The following MRTFB variants were observed in gnomAD, a reference collection of about 807,000 sequenced individuals.
The protein encoded by MRTFB is myocardin related transcription factor B, also known as myocardin-related transcription factor B.
In MRTFB, 29 loss-of-function variants were observed where a neutral mutation model predicts 104.2. The observed-to-expected ratio is 0.28, with a 90% CI of 0.21 to 0.38. The LOEUF is 0.38. MRTFB is among the 10% of genes least tolerant of loss of function. The pLI is 1.00. For synonymous variants in MRTFB, 535 were observed against 519.5 expected, an observed-to-expected ratio of 1.03 and a Z score of -0.41; for missense variants, 1,270 against 1,341.6, an observed-to-expected ratio of 0.95 and a Z score of 0.83.
intron 3 of MRTFB, among the ~76,000 whole-genome samples, chr16:14,203,547 C>T (rs1385090460): frequency 1.3e-5 from 2 of 152,000 alleles, no homozygotes; most frequent in Admixed American, 6.6e-5. Context: ...ATTAAGACAA[C>T]ATTTCACACT....
At chr16:14,123,518 C>T (rs1026377075) in intron 2 of MRTFB, among the ~76,000 whole-genome samples, 8 of 152,200 alleles carry the variant, frequency 5.3e-5, no homozygotes, top group Admixed American at 3.3e-4. Flanking sequence ...GTTTTCCCAA[C>T]ACCATTTATT....
At chr16:14,004,715 G>A in the MRTFB span, among the ~76,000 whole-genome samples, 1 of 152,222 alleles carries the variant, frequency 6.6e-6, no homozygotes, top group Non-Finnish European at 1.5e-5. Context: ...GCCGAGTGCT[G>A]AGCTCTGTGC....
the MRTFB span, among the ~76,000 whole-genome samples, chr16:14,040,466 C>CTT: frequency 3.4e-3 from 487 of 144,394 alleles, 5 homozygotes; most frequent in Middle Eastern, 0.028. Context: ...ATTACTAAAT[C>CTT]TTTTTTTTTT....
upstream of MRTFB, among the ~76,000 whole-genome samples, chr16:14,068,525 T>G (rs1358425219): frequency 1.3e-5 from 2 of 152,126 alleles, no homozygotes; most frequent in African/African-American, 4.8e-5. Context: ...TGATCTGGGG[T>G]GGAACCAACC....
the MRTFB span, among the ~76,000 whole-genome samples, chr16:14,003,257 G>C: frequency 6.6e-6 from 1 of 152,240 alleles, no homozygotes; most frequent in East Asian, 1.9e-4. Context: ...CGTGTGACGA[G>C]TTTTTTGTTT....
At chr16:14,168,946 T>C (rs1287337518) in intron 3 of MRTFB, among the ~76,000 whole-genome samples, 1 of 152,222 alleles carries the variant, frequency 6.6e-6, no homozygotes, top group Non-Finnish European at 1.5e-5. Flanking sequence ...TTTCATGATA[T>C]CTAATGATAT....
chr16:14,060,073 C>G, the MRTFB span, among the ~76,000 whole-genome samples: 2 of 133,700 alleles, frequency 1.5e-5, no homozygotes, highest in African/African-American at 5.9e-5. Flanking sequence ...GTGGCGCAAT[C>G]TCAGCTCACT....
At chr16:14,111,523 G>T (rs1056389586) in intron 2 of MRTFB, among the ~76,000 whole-genome samples, 1 of 152,214 alleles carries the variant, frequency 6.6e-6, no homozygotes, top group Non-Finnish European at 1.5e-5. Flanking sequence ...GTTGCTTAAC[G>T]TGAATTTGGT....
chr16:14,222,685 A>C (rs1022078588), intron 8 of MRTFB, among the ~76,000 whole-genome samples: 14 of 151,854 alleles, frequency 9.2e-5, no homozygotes, highest in South Asian at 4.2e-4. Flanking sequence ...CCAGGAGTTC[A>C]AGACCAGCCT....
chr16:14,179,929 A>G (rs1384718702), intron 3 of MRTFB, among the ~76,000 whole-genome samples: 1 of 152,214 alleles, frequency 6.6e-6, no homozygotes, highest in Non-Finnish European at 1.5e-5. Flanking sequence ...CAAGTGCATG[A>G]TTAGTGGACT....
intron 3 of MRTFB, chr16:14,149,655 G>A (rs1049187061): frequency 2.0e-5 from 3 of 152,182 alleles, no homozygotes; most frequent in Admixed American, 2.0e-4. Context: ...AACATTTATT[G>A]AATGATCATT....
intron 4 of MRTFB, among the ~76,000 whole-genome samples, chr16:14,210,869 G>T (rs2041162700): frequency 6.6e-6 from 1 of 152,066 alleles, no homozygotes; most frequent in Non-Finnish European, 1.5e-5. Context: ...TTTGAGAGTT[G>T]ATTAATTTTA....
Position 14,266,191 on chromosome 16 carries a change from G to T in MRTFB, c.*4747G>T, listed in dbSNP as rs1251511290. 1 of 152,160 alleles carries T rather than the reference G, an allele frequency of 6.6e-6. No homozygotes were observed. The allele number at this position is 152,160 out of a possible 1,614,324, so 9.4% of individuals were successfully genotyped here. A position where few individuals can be genotyped will look rare whatever the true frequency, so the allele number is the denominator to read the frequency against. Reference sequence around the variant, plus strand: ...CCCAAAAAGGTATTATCCATTTAAGGTTATAATTTTCACTAAGATGTAGAT... The same window carrying T: ...CCCAAAAAGGTATTATCCATTTAAGTTTATAATTTTCACTAAGATGTAGAT... On this transcript the variant is annotated 3_prime_UTR_variant, in exon 17 of 17. Coordinates refer to ENST00000571589, the MANE Select transcript of MRTFB (RefSeq NM_001308142.2).
intron 8 of MRTFB, among the ~76,000 whole-genome samples, chr16:14,220,603 A>AAAAT (rs2041649476): frequency 6.6e-6 from 1 of 152,218 alleles, no homozygotes; most frequent in African/African-American, 2.4e-5. Context: ...TCCTTGAAGG[A>AAAAT]AAATAGTAAT....
At chr16:14,033,248 A>G in the MRTFB span, among the ~76,000 whole-genome samples, 4 of 152,012 alleles carry the variant, frequency 2.6e-5, no homozygotes, top group African/African-American at 9.7e-5. Flanking sequence ...AAAATTTAAA[A>G]TTAAAAAAAA....
chr16:14,016,261 C>G, the MRTFB span, among the ~76,000 whole-genome samples: 1 of 151,728 alleles, frequency 6.6e-6, no homozygotes, highest in Non-Finnish European at 1.5e-5. Flanking sequence ...GAGCAGCAAT[C>G]AAGTCACCAT....
intron 3 of MRTFB, among the ~76,000 whole-genome samples, chr16:14,190,546 C>G (rs1301608226): frequency 6.6e-6 from 1 of 152,020 alleles, no homozygotes; most frequent in African/African-American, 2.4e-5. Context: ...ATATTTATCA[C>G]AGGCAAATGG....
intron 3 of MRTFB, among the ~76,000 whole-genome samples, chr16:14,165,309 G>A (rs922208876): frequency 1.3e-5 from 2 of 152,104 alleles, no homozygotes; most frequent in African/African-American, 4.8e-5. Flanking sequence ...AATTGGAATA[G>A]GCTGTTAATT....
chr16:14,202,148 G>C (rs1230610153), intron 3 of MRTFB, among the ~76,000 whole-genome samples: 1 of 149,678 alleles, frequency 6.7e-6, no homozygotes, highest in Non-Finnish European at 1.5e-5. Flanking sequence ...TAGATTCCTT[G>C]ATATTCTTTA....
Sources: gnomAD v4.1 joint callset for allele counts (sites outside exome capture counted in the v4.1 genomes callset) on GRCh38, gnomAD v4.1.1 for gene constraint, MANE v1.5 for transcripts, NCBI Gene and HGNC (gene_info 2026-07-23, HGNC 2026-07-21) for gene names.